Variants in TTC28 observed in about 807,000 individuals in gnomAD.
The protein encoded by TTC28 is tetratricopeptide repeat domain 28.
Under a neutral mutation model 198.0 loss-of-function variants are expected in TTC28, and 61 were observed. That is an observed-to-expected ratio of 0.31 (90% CI 0.25 to 0.38). The LOEUF is 0.38. TTC28 is among the 10% of genes least tolerant of loss of function. The pLI is 1.00. For synonymous variants in TTC28, 1,171 were observed against 1,297.8 expected, an observed-to-expected ratio of 0.90 and a Z score of 2.10; for missense variants, 2,678 against 3,164.0, an observed-to-expected ratio of 0.85 and a Z score of 3.69.
chr22:28,470,800 T>C (rs2048087640), intron 2 of TTC28, among the ~76,000 whole-genome samples: 1 of 151,990 alleles, frequency 6.6e-6, no homozygotes, highest in Non-Finnish European at 1.5e-5. Flanking sequence ...AAGGCAATAA[T>C]ATAGAAAAAG....
intron 2 of TTC28, among the ~76,000 whole-genome samples, chr22:28,536,588 C>T (rs1440775998): frequency 6.6e-6 from 1 of 152,056 alleles, no homozygotes; most frequent in East Asian, 1.9e-4. Flanking sequence ...TGCGCCACTG[C>T]ACTCCAGCCT....
intron 5 of TTC28, among the ~76,000 whole-genome samples, chr22:28,250,602 C>T (rs1185840063): frequency 6.6e-6 from 1 of 152,100 alleles, no homozygotes; most frequent in East Asian, 1.9e-4. Context: ...CCTTCTAAGT[C>T]ATCTCTAGAT....
At chr22:28,515,237 T>A (rs993310036) in intron 2 of TTC28, among the ~76,000 whole-genome samples, 1 of 152,198 alleles carries the variant, frequency 6.6e-6, no homozygotes, top group Non-Finnish European at 1.5e-5. Flanking sequence ...AAGTTAAACA[T>A]CCAATTTAAA....
chr22:28,484,154 G>A (rs555192253), intron 2 of TTC28, among the ~76,000 whole-genome samples: 2 of 152,060 alleles, frequency 1.3e-5, no homozygotes, highest in South Asian at 4.2e-4. Context: ...ATAGGGCCTG[G>A]CTCTCTGCCA....
intron 14 of TTC28, among the ~76,000 whole-genome samples, chr22:28,006,194 G>A (rs997381939): frequency 1.3e-5 from 2 of 152,084 alleles, no homozygotes; most frequent in African/African-American, 4.8e-5. Flanking sequence ...AAACCAGTAG[G>A]GTTGGGGGTA....
chr22:28,211,370 G>A (rs1390796617), intron 5 of TTC28, among the ~76,000 whole-genome samples: 1 of 152,140 alleles, frequency 6.6e-6, no homozygotes, highest in African/African-American at 2.4e-5. Flanking sequence ...CCATCAGTGT[G>A]CTGTATTCAG....
intron 2 of TTC28, among the ~76,000 whole-genome samples, chr22:28,587,907 C>T (rs1212022769): frequency 1.3e-5 from 2 of 151,646 alleles, no homozygotes; most frequent in African/African-American, 4.8e-5. Flanking sequence ...TTTGGGAGAC[C>T]AAGGCGGGTG....
chr22:28,384,477 CTT>C lies in TTC28; in HGVS notation c.382-77836_382-77835del, dbSNP rs959670603. Among the ~76,000 whole-genome samples the C allele has an allele frequency of 2.7e-4, 41 of 152,330 alleles. 2 individuals carry two copies. The highest frequency in any genetic ancestry group is 9.4e-4 in the African/African-American group (39 of 41,574). On this transcript the variant is annotated intron_variant, in intron 2 of 22. Transcript: ENST00000397906. ...CTTCCATACAGTATGTTTACCATCT[CTT>C]TGTCCCATACTAGAACATAAGCTCC...
At chr22:28,375,579 C>T (rs1001937360) in intron 2 of TTC28, among the ~76,000 whole-genome samples, 11 of 152,218 alleles carry the variant, frequency 7.2e-5, no homozygotes, top group Non-Finnish European at 1.5e-4. Flanking sequence ...GGGTTAAAAA[C>T]ATTTCCACTA....
At chr22:28,349,409 AC>A (rs2045958522) in intron 2 of TTC28, among the ~76,000 whole-genome samples, 1 of 152,216 alleles carries the variant, frequency 6.6e-6, no homozygotes, top group African/African-American at 2.4e-5. Context: ...CTGATTTTCA[AC>A]CAAACAGATG....
At position 28,234,141 on chromosome 22, in the gene TTC28, C is replaced by T. The variant is rs527714787; in HGVS notation, c.933+62057G>A. ...CAGGATGGTCTCGATCTCCTGACCT[C>T]GTGATCCGCCGGCCTCGGCCTCCCA... On this transcript the variant is annotated intron_variant, in intron 5 of 22. Transcript: ENST00000397906. Among the ~76,000 whole-genome samples the T allele has an allele frequency of 2.0e-5, 3 of 152,086 alleles. No homozygotes were observed. The South Asian group carries it at 6.2e-4, about 32-fold the overall frequency.
At chr22:28,007,243 G>A (rs1937966622) in intron 14 of TTC28, 1 of 152,074 alleles carries the variant, frequency 6.6e-6, no homozygotes, top group Non-Finnish European at 1.5e-5. Flanking sequence ...TAAGGTAGAG[G>A]AACCCTTTCT....
intron 1 of TTC28, among the ~76,000 whole-genome samples, chr22:28,675,989 C>T (rs1212411980): frequency 6.6e-6 from 1 of 151,966 alleles, no homozygotes; most frequent in Non-Finnish European, 1.5e-5. Flanking sequence ...TATCATATGA[C>T]CCAGATAGTC....
intron 2 of TTC28, among the ~76,000 whole-genome samples, chr22:28,348,759 G>A (rs148213884): frequency 1.5e-3 from 232 of 152,310 alleles, no homozygotes; most frequent in Non-Finnish European, 2.5e-3. Context: ...TGAACACAGA[G>A]AAATGAAATG....
rs549918450 is a variant in TTC28, at chr22:28,187,736, G to A, written c.934-24137C>T. Among the ~76,000 whole-genome samples the A allele has an allele frequency of 1.6e-4, 24 of 152,316 alleles. No individual in the cohort carries two copies. The South Asian group carries it at 5.0e-3, about 32-fold the overall frequency. ...AATCTGGTGATTAAGTCAGCTGGGG[G>A]CATCAAGGATGTGCTTCAGGGGTTT... On this transcript the variant is annotated intron_variant, in intron 5 of 22. Coordinates refer to ENST00000397906, the MANE Select transcript of TTC28 (RefSeq NM_001145418.2).
At chr22:28,067,376 A>G (rs2146759926) in intron 12 of TTC28, among the ~76,000 whole-genome samples, 1 of 152,340 alleles carries the variant, frequency 6.6e-6, no homozygotes, top group East Asian at 1.9e-4. Flanking sequence ...TCCTGAATGA[A>G]TGAATATTTC....
intron 10 of TTC28, among the ~76,000 whole-genome samples, chr22:28,098,420 C>T (rs1942036533): frequency 6.6e-6 from 1 of 152,160 alleles, no homozygotes; most frequent in African/African-American, 2.4e-5. Flanking sequence ...AGACAAGAGA[C>T]TTTGTTTCAG....
At chr22:28,001,845 G>A (rs918410188) in intron 14 of TTC28, 49 of 436,324 alleles carry the variant, frequency 1.1e-4, no homozygotes, top group Non-Finnish European at 1.9e-4. Flanking sequence ...AAGTGGGTTG[G>A]AGACCGGTCT....
chr22:28,061,297 C>G (rs1373732463), intron 12 of TTC28, among the ~76,000 whole-genome samples: 1 of 152,212 alleles, frequency 6.6e-6, no homozygotes, highest in Non-Finnish European at 1.5e-5. Context: ...TTGGCCATGC[C>G]TATGTCCTGA....
Sources: allele counts gnomAD v4.1 joint callset (sites outside exome capture counted in the v4.1 genomes callset), GRCh38; gene constraint gnomAD v4.1.1; transcripts MANE v1.5; gene names NCBI Gene and HGNC (gene_info 2026-07-23, HGNC 2026-07-21).